The following ROBO1 variants were observed in gnomAD, a reference collection of about 807,000 sequenced individuals.
ROBO1 encodes roundabout homolog 1.
A neutral mutation model predicts 195.9 loss-of-function variants in ROBO1; 149 were observed. The ratio of observed to expected loss-of-function variants is 0.76; its 90% CI spans 0.67 to 0.87. The LOEUF is 0.87. Ranked by LOEUF, ROBO1 falls within the 40% of genes least tolerant of loss-of-function variation. The pLI, the probability that ROBO1 is intolerant of heterozygous loss-of-function variation, is 0.00. For synonymous variants in ROBO1, 816 were observed against 733.2 expected (o/e 1.11, Z -1.82); for missense variants, 1,933 against 2,068.3 (o/e 0.93, Z 1.27).
At chr3:78,972,355 T>C (rs1233998849) in intron 3 of ROBO1, among the ~76,000 whole-genome samples, 1 of 152,194 alleles carries the variant, frequency 6.6e-6, no homozygotes, top group Non-Finnish European at 1.5e-5. Context: ...AATCATAACA[T>C]CATACCTTTC....
At chr3:79,580,366 C>T (rs751636294) in intron 2 of ROBO1, among the ~76,000 whole-genome samples, 7 of 151,862 alleles carry the variant, frequency 4.6e-5, no homozygotes, top group South Asian at 4.2e-4. Flanking sequence ...TTCAGCTATT[C>T]GGGAGGCGGA....
intron 8 of ROBO1, among the ~76,000 whole-genome samples, chr3:78,700,820 G>A (rs1449619032): frequency 2.0e-5 from 3 of 150,212 alleles, no homozygotes; most frequent in Non-Finnish European, 4.4e-5. Flanking sequence ...CTGGAGTGCA[G>A]TGTCGCGATC....
chr3:78,731,273 C>T (rs975154293), intron 5 of ROBO1, among the ~76,000 whole-genome samples: 4 of 151,992 alleles, frequency 2.6e-5, no homozygotes, highest in Non-Finnish European at 4.4e-5. Flanking sequence ...GGCTTCTAAC[C>T]TACGTCTAGG....
At chr3:79,632,027 G>T (rs1228887623) in intron 1 of ROBO1, among the ~76,000 whole-genome samples, 1 of 151,996 alleles carries the variant, frequency 6.6e-6, no homozygotes, top group African/African-American at 2.4e-5. Context: ...ATATGCTGTT[G>T]GTAGAAATGT....
intron 2 of ROBO1, among the ~76,000 whole-genome samples, chr3:79,502,976 C>T (rs372604055): frequency 6.6e-6 from 1 of 152,132 alleles, no homozygotes; most frequent in African/African-American, 2.4e-5. Context: ...ATGGACCAAT[C>T]AGCAGGATGT....
At chr3:79,055,355 T>G (rs2078785653) in intron 3 of ROBO1, among the ~76,000 whole-genome samples, 1 of 152,124 alleles carries the variant, frequency 6.6e-6, no homozygotes, top group South Asian at 2.1e-4. Flanking sequence ...ATATAATTTC[T>G]AAACAATGGC....
At chr3:79,678,984 TTTC>T (rs1354072117) in intron 1 of ROBO1, among the ~76,000 whole-genome samples, 2 of 152,054 alleles carry the variant, frequency 1.3e-5, no homozygotes. Flanking sequence ...AATTAATTTT[TTTC>T]TTTTTTTAAT....
chr3:79,445,073 T>C (rs1400811128), intron 2 of ROBO1, among the ~76,000 whole-genome samples: 3 of 152,008 alleles, frequency 2.0e-5, no homozygotes, highest in Non-Finnish European at 4.4e-5. Context: ...GTTGATAAAC[T>C]TTATTAGTGT....
At chr3:79,608,369 C>A (rs1177124222) in intron 1 of ROBO1, among the ~76,000 whole-genome samples, 1 of 151,942 alleles carries the variant, frequency 6.6e-6, no homozygotes, top group African/African-American at 2.4e-5. Context: ...AAAGTGTGAT[C>A]CTTTTGAGTT....
At position 79,264,042 on chromosome 3, in the gene ROBO1, C is replaced by T. The variant is rs945210738; in HGVS notation, c.89-138503G>A. Among the ~76,000 whole-genome samples the T allele has an allele frequency of 6.1e-4, 92 of 152,006 alleles. 1 individual carries two copies. The highest frequency in any genetic ancestry group is 7.4e-5 in the Non-Finnish European group (5 of 67,982). On this transcript the variant is annotated intron_variant, in intron 2 of 30. Transcript: ENST00000464233. ...CCCAGACAACAACTAAACACTTAAC[C>T]GGTGTGTAAGCTTTCACACATGCCC...
chr3:78,711,589 G>T (rs1014073217), intron 8 of ROBO1, among the ~76,000 whole-genome samples: 4 of 150,412 alleles, frequency 2.7e-5, no homozygotes. Flanking sequence ...AGGTTCAAGC[G>T]ATTCTCCTGC....
intron 2 of ROBO1, among the ~76,000 whole-genome samples, chr3:79,204,482 T>A (rs1296580996): frequency 6.6e-6 from 1 of 152,108 alleles, no homozygotes; most frequent in African/African-American, 2.4e-5. Context: ...TAACCCCTTG[T>A]TAGTACAAAT....
chr3:79,430,100 T>G (rs551299373), intron 2 of ROBO1, among the ~76,000 whole-genome samples: 3 of 152,128 alleles, frequency 2.0e-5, no homozygotes, highest in Admixed American at 2.0e-4. Flanking sequence ...TTTTAAGGAT[T>G]GAAAATGTTT....
chr3:78,771,138 A>G (rs2083364644), intron 4 of ROBO1, among the ~76,000 whole-genome samples: 1 of 152,008 alleles, frequency 6.6e-6, no homozygotes, highest in Admixed American at 6.6e-5. Context: ...TCAGTTTCAC[A>G]TTGATTGAAT....
chr3:78,977,887 T>C (rs1290399744), intron 3 of ROBO1, among the ~76,000 whole-genome samples: 2 of 152,084 alleles, frequency 1.3e-5, no homozygotes, highest in African/African-American at 4.8e-5. Flanking sequence ...TTAATATCTA[T>C]ATAGTAAGCT....
At chr3:78,863,649 A>G (rs2034989245) in intron 4 of ROBO1, among the ~76,000 whole-genome samples, 1 of 152,152 alleles carries the variant, frequency 6.6e-6, no homozygotes, top group Admixed American at 6.6e-5. Flanking sequence ...TGAATCTGAA[A>G]TTTCATATAC....
In ROBO1 at chr3:78,717,310, T is replaced by A. The variant is rs1478606978; in HGVS notation, c.882A>T (p.Arg294=). 2 of 1,599,364 alleles carry A rather than the reference T, an allele frequency of 1.3e-6. No homozygotes were observed. Among genetic ancestry groups the A allele is most frequent in the Middle Eastern group, 1.7e-4 (1 of 5,952 alleles). The change falls in exon 7 of 31, where the codon CGA becomes CGT. Residue 294 remains arginine, a synonymous_variant. Coordinates refer to ENST00000464233, the MANE Select transcript of ROBO1 (RefSeq NM_002941.4). ...GCAGCTCTCCATCATCTTTCCTCCA[T>A]CGTACTGTAGGTACAGGGTCACCTC... ...EARGDPVPTV[R]WRKDDGELPK... is the part of the protein sequence containing the mutation.
intron 2 of ROBO1, among the ~76,000 whole-genome samples, chr3:79,405,342 A>C (rs2106811425): frequency 6.6e-6 from 1 of 152,290 alleles, no homozygotes; most frequent in South Asian, 2.1e-4. Flanking sequence ...TATTTGCTCT[A>C]CAAAGAGGTC....
At chr3:79,392,655 C>A (rs1212509232) in intron 2 of ROBO1, among the ~76,000 whole-genome samples, 2 of 152,102 alleles carry the variant, frequency 1.3e-5, no homozygotes, top group African/African-American at 4.8e-5. Context: ...TCAGGTGAAA[C>A]CCCAATGACT....
Sources: gnomAD v4.1 joint callset for allele counts (sites outside exome capture counted in the v4.1 genomes callset) on GRCh38, gnomAD v4.1.1 for gene constraint, MANE v1.5 for transcripts, NCBI Gene and HGNC (gene_info 2026-07-23, HGNC 2026-07-21) for gene names.